LYST: variants seen among roughly 807,000 people sequenced by gnomAD.
LYST encodes the protein lysosomal-trafficking regulator.
Under a neutral mutation model 413.6 loss-of-function variants are expected in LYST, and 192 were observed. The observed-to-expected ratio is 0.46, with a 90% CI of 0.41 to 0.52. The LOEUF is 0.52. Among genes scored for constraint, LYST ranks in the 20% least tolerant of loss-of-function variants. The probability of loss-of-function intolerance (pLI) is 0.00; values close to 1 mark genes in which losing one functional copy is unlikely to be tolerated. For synonymous variants in LYST, 1,525 were observed against 1,567.3 expected, an observed-to-expected ratio of 0.97 and a Z score of 0.64; for missense variants, 3,815 against 4,499.9, an observed-to-expected ratio of 0.85 and a Z score of 4.35.
At chr1:235,668,268 G>A (rs1001604887) in intron 50 of LYST, among the ~76,000 whole-genome samples, 5 of 152,060 alleles carry the variant, frequency 3.3e-5, no homozygotes, top group African/African-American at 1.2e-4. Context: ...CAAAATTTTT[G>A]ATAGGTTAAA....
chr1:235,859,313 C>T (rs1679589571), intron 1 of LYST, among the ~76,000 whole-genome samples: 1 of 152,108 alleles, frequency 6.6e-6, no homozygotes, highest in Non-Finnish European at 1.5e-5. Flanking sequence ...GTCCCTTTCC[C>T]TCAATCCACT....
intron 20 of LYST, among the ~76,000 whole-genome samples, chr1:235,766,502 C>T (rs1199715021): frequency 1.3e-5 from 2 of 152,036 alleles, no homozygotes; most frequent in East Asian, 3.9e-4. Context: ...TTAATTCTAG[C>T]CCATGTATCT....
At chr1:235,738,393 A>G (rs1418001770) in intron 31 of LYST, 5 of 1,613,356 alleles carry the variant, frequency 3.1e-6, no homozygotes, top group Non-Finnish European at 4.2e-6. Context: ...CCGAACTGCA[A>G]GTTGCTTATT....
rs754209450 is a variant in LYST, at chr1:235,751,312, T to A, written c.7678A>T (p.Ile2560Leu). The change falls in exon 28 of 53, where the codon ATA (isoleucine) becomes TTA (leucine). Residue 2560 changes from isoleucine to leucine, a missense_variant. Transcript: ENST00000389793. ...GAGTCATGATTTGCGGTGGTCCTTA[T>A]AAATTCCATAGCAGCCTGGAGAACT... is the stretch of plus-strand genomic sequence containing the variant. The part of the protein sequence containing the change: ...LRVLQAAMEF[I>L]RTTANHDSEN... The A allele has an allele frequency of 6.2e-7, 1 of 1,613,636 alleles. No homozygotes were observed. Among genetic ancestry groups the A allele is most frequent in the Non-Finnish European group, 8.5e-7 (1 of 1,179,714 alleles).
At chr1:235,727,825 T>C (rs568351085) in intron 38 of LYST, among the ~76,000 whole-genome samples, 6 of 152,274 alleles carry the variant, frequency 3.9e-5, no homozygotes, top group Non-Finnish European at 5.9e-5. Flanking sequence ...GAACATAAAT[T>C]GATATAATAG....
At chr1:235,773,077 G>A (rs975763962) in intron 19 of LYST, among the ~76,000 whole-genome samples, 2 of 152,152 alleles carry the variant, frequency 1.3e-5, no homozygotes, top group African/African-American at 4.8e-5. Flanking sequence ...AGCATCTTGG[G>A]AAGCCGAGGC....
intron 1 of LYST, among the ~76,000 whole-genome samples, chr1:235,878,443 A>C (rs1401594696): frequency 6.6e-6 from 1 of 152,160 alleles, no homozygotes; most frequent in African/African-American, 2.4e-5. Context: ...CCTTGGACAC[A>C]TGTTCCCTAA....
intron 40 of LYST, among the ~76,000 whole-genome samples, chr1:235,720,110 G>A (rs979983263): frequency 2.0e-4 from 29 of 147,030 alleles, no homozygotes; most frequent in Non-Finnish European, 2.7e-4. Flanking sequence ...GGGAGGCAGA[G>A]GTTGCAGTGA....
In LYST at chr1:235,759,331, A is replaced by C; in HGVS notation, c.6522T>G (p.Val2174=). ...FISSCESAKT[V]CEMEAVLSAQ... is the part of the protein sequence containing the mutation. ...CTGAGAGGACAGCTTCCATTTCACAAACAGTTTTTGCAGACTCACAGCTAC... is the reference window on the plus strand; with the variant it reads ...CTGAGAGGACAGCTTCCATTTCACACACAGTTTTTGCAGACTCACAGCTAC... The change falls in exon 23 of 53, where the codon GTT becomes GTG. Residue 2174 remains valine (V), a synonymous_variant. Coordinates refer to ENST00000389793, the MANE Select transcript of LYST (RefSeq NM_000081.4). 1 of 1,614,128 alleles carries C rather than the reference A, an allele frequency of 6.2e-7. No homozygotes were observed. Among genetic ancestry groups the C allele is most frequent in the Non-Finnish European group, 8.5e-7 (1 of 1,180,016 alleles).
intron 17 of LYST, 122 bp from the exon 18 acceptor site, chr1:235,775,208 C>T (rs1335163138): frequency 1.2e-5 from 9 of 744,958 alleles, no homozygotes; most frequent in African/African-American, 3.5e-5. Context: ...TTTTTTAATG[C>T]TCATACTCTA....
chr1:235,738,956 A>T lies in LYST; in HGVS notation c.8358+2466T>A. On this transcript the variant is annotated intron_variant, in intron 31 of 52. Coordinates refer to ENST00000389793, the MANE Select transcript of LYST (RefSeq NM_000081.4). ...CCCATTTGAAGAACAGTGCAGATCCACTTTGGGGGATACAAAAAGAGCTGC... is the reference window on the plus strand; with the variant it reads ...CCCATTTGAAGAACAGTGCAGATCCTCTTTGGGGGATACAAAAAGAGCTGC... 3 of 728,218 alleles carry T rather than the reference A, an allele frequency of 4.1e-6. No individual in the cohort carries two copies. The South Asian group carries it at 4.3e-5, about 10-fold the overall frequency. 45.1% of individuals were successfully genotyped at this position (728,218 alleles called of 1,614,324 possible).
chr1:235,814,952 T>C (rs1014267629), intron 3 of LYST, among the ~76,000 whole-genome samples: 2 of 152,252 alleles, frequency 1.3e-5, no homozygotes, highest in Admixed American at 6.5e-5. Flanking sequence ...GTGCTCCCAA[T>C]AGGTCTTCCT....
chr1:235,691,544 A>G (rs1045974827), intron 47 of LYST, among the ~76,000 whole-genome samples: 2 of 152,176 alleles, frequency 1.3e-5, no homozygotes, highest in African/African-American at 4.8e-5. Flanking sequence ...GAAGAAGGCA[A>G]TGCTGATTTG....
intron 48 of LYST, among the ~76,000 whole-genome samples, chr1:235,678,927 C>T (rs1171426169): frequency 6.6e-6 from 1 of 152,144 alleles, no homozygotes; most frequent in Non-Finnish European, 1.5e-5. Flanking sequence ...TACCTTTTCT[C>T]AAAAACACCA....
At chr1:235,827,089 C>A (rs565975931) in intron 3 of LYST, among the ~76,000 whole-genome samples, 3 of 152,068 alleles carry the variant, frequency 2.0e-5, no homozygotes, top group Non-Finnish European at 4.4e-5. Flanking sequence ...ATAAGCTGGG[C>A]GCAGTGGCTC....
intron 46 of LYST, among the ~76,000 whole-genome samples, chr1:235,696,159 C>T (rs985754866): frequency 6.6e-6 from 1 of 152,162 alleles, no homozygotes; most frequent in African/African-American, 2.4e-5. Flanking sequence ...AACTATAAAA[C>T]AATCATTCAT....
chr1:235,828,628 G>T, intron 3 of LYST: 2 of 298,318 alleles, frequency 6.7e-6, no homozygotes, highest in Non-Finnish European at 9.9e-6. Flanking sequence ...CCATGCAGAA[G>T]TACTGTACAT....
At chr1:235,697,703 C>G (rs1661217640) in intron 45 of LYST, among the ~76,000 whole-genome samples, 1 of 152,144 alleles carries the variant, frequency 6.6e-6, no homozygotes, top group African/African-American at 2.4e-5. Flanking sequence ...CTATGAGCTC[C>G]TTGAAGAGAG....
intron 20 of LYST, 84 bp from the exon 21 acceptor site, chr1:235,766,361 T>A: frequency 2.0e-6 from 2 of 978,974 alleles, no homozygotes. Flanking sequence ...ATATTCTTTT[T>A]AAGATAGAAT....
Sources: allele counts gnomAD v4.1 joint callset (sites outside exome capture counted in the v4.1 genomes callset), GRCh38; gene constraint gnomAD v4.1.1; transcripts MANE v1.5; gene names NCBI Gene and HGNC (gene_info 2026-07-23, HGNC 2026-07-21).